The following KCNMA1 variants were observed in gnomAD, a reference collection of about 807,000 sequenced individuals.
The protein encoded by KCNMA1 is potassium calcium-activated channel subfamily M alpha 1.
In KCNMA1, 29 loss-of-function variants were observed where a neutral mutation model predicts 140.0. The ratio of observed to expected loss-of-function variants is 0.21; its 90% CI spans 0.15 to 0.28. The LOEUF (loss-of-function observed/expected upper bound fraction) is 0.28. Ranked by LOEUF, KCNMA1 falls within the 10% of genes least tolerant of loss-of-function variation. The probability of loss-of-function intolerance (pLI) is 1.00; values close to 1 mark genes in which losing one functional copy is unlikely to be tolerated. For synonymous variants in KCNMA1, 612 were observed against 611.9 expected, an observed-to-expected ratio of 1.00 and a Z score of 0.00; for missense variants, 880 against 1,602.2, an observed-to-expected ratio of 0.55 and a Z score of 7.70.
chr10:77,235,354 A>G (rs1475752681), intron 3 of KCNMA1, among the ~76,000 whole-genome samples: 1 of 152,194 alleles, frequency 6.6e-6, no homozygotes, highest in African/African-American at 2.4e-5. Context: ...ATCAAGTTTT[A>G]CAGAAAGGAA....
chr10:77,298,323 A>G (rs1601694993), intron 2 of KCNMA1, among the ~76,000 whole-genome samples: 1 of 151,032 alleles, frequency 6.6e-6, no homozygotes, highest in African/African-American at 2.4e-5. Flanking sequence ...GCTCACTGCA[A>G]CCTCCACCTC....
chr10:76,949,572 A>G (rs2065465255), intron 21 of KCNMA1: 1 of 604,302 alleles, frequency 1.7e-6, no homozygotes, highest in East Asian at 2.8e-5. Context: ...TTTTGTAATA[A>G]ATCTGTCCAA....
intron 1 of KCNMA1, among the ~76,000 whole-genome samples, chr10:77,566,297 T>C (rs961726050): frequency 1.3e-5 from 2 of 152,190 alleles, no homozygotes; most frequent in African/African-American, 4.8e-5. Context: ...CTGATCTCCC[T>C]GGTCTCCCAG....
chr10:77,637,419 A>C lies in KCNMA1; in HGVS notation c.224T>G (p.Met75Arg). The change falls in exon 1 of 28, where the codon ATG (methionine) becomes AGG (arginine). Residue 75 changes from methionine to arginine, a missense_variant. By Grantham distance (91) the Met-to-Arg change is moderately conservative. Transcript: ENST00000286628. Reference protein sequence around the residue: ...KMDALIIPVTMEVPCDSRGQR... With the variant: ...KMDALIIPVTREVPCDSRGQR... Reference sequence around the variant, plus strand: ...GCCCCGGCTGTCGCACGGCACCTCCATGGTCACCGGGATGATGAGCGCATC... The same window carrying C: ...GCCCCGGCTGTCGCACGGCACCTCCCTGGTCACCGGGATGATGAGCGCATC... 6.2e-7 allele frequency: 1 copy of C among 1,613,774 alleles called. No individual in the cohort carries two copies. The highest frequency in any genetic ancestry group is 8.5e-7 in the Non-Finnish European group (1 of 1,179,902).
intron 3 of KCNMA1, among the ~76,000 whole-genome samples, chr10:77,202,468 ACT>A (rs1025088502): frequency 6.6e-6 from 1 of 152,038 alleles, no homozygotes; most frequent in African/African-American, 2.4e-5. Flanking sequence ...TGTGATAATG[ACT>A]CTCTTCCTTC....
At chr10:77,073,705 A>G (rs2096288726) in intron 13 of KCNMA1, among the ~76,000 whole-genome samples, 1 of 152,178 alleles carries the variant, frequency 6.6e-6, no homozygotes, top group African/African-American at 2.4e-5. Flanking sequence ...TCACCTGTAC[A>G]GTTTCTGAAA....
intron 3 of KCNMA1, among the ~76,000 whole-genome samples, chr10:77,189,894 C>T (rs1352806197): frequency 6.6e-6 from 1 of 152,162 alleles, no homozygotes; most frequent in Non-Finnish European, 1.5e-5. Context: ...GTCATTCATC[C>T]ACCATCACGG....
At chr10:77,400,048 G>T (rs976567640) in intron 2 of KCNMA1, among the ~76,000 whole-genome samples, 1 of 152,182 alleles carries the variant, frequency 6.6e-6, no homozygotes, top group Non-Finnish European at 1.5e-5. Flanking sequence ...AAATTGAAAC[G>T]GGAAACTGAA....
Position 76,914,848 on chromosome 10 carries a change from G to A in KCNMA1, c.3016+88C>T, listed in dbSNP as rs1357911365. 12 of 980,762 alleles carry A rather than the reference G, an allele frequency of 1.2e-5. No homozygotes were observed. The Admixed American group carries it at 2.0e-4, about 17-fold the overall frequency. The allele number at this position is 980,762 out of a possible 1,614,324, so 60.8% of individuals were successfully genotyped here. ...CCCCATAGCAGCTACAAAGTTGAAAGGGCTAAGAAATAAACCAACCTCCTC... is the reference window on the plus strand; with the variant it reads ...CCCCATAGCAGCTACAAAGTTGAAAAGGCTAAGAAATAAACCAACCTCCTC... On this transcript the variant is annotated intron_variant, in intron 24 of 27. Coordinates refer to ENST00000286628, the MANE Select transcript of KCNMA1 (RefSeq NM_001161352.2).
intron 3 of KCNMA1, among the ~76,000 whole-genome samples, chr10:77,223,307 A>C (rs572863709): frequency 1.3e-5 from 2 of 151,956 alleles, no homozygotes; most frequent in South Asian, 4.2e-4. Flanking sequence ...GTTGTGACAC[A>C]CAGTGTATTG....
chr10:76,913,373 T>C (rs2152417445), intron 24 of KCNMA1: 1 of 152,332 alleles, frequency 6.6e-6, no homozygotes, highest in East Asian at 1.9e-4. Context: ...ATTGTGAATC[T>C]CCCAGAGAGG....
intron 14 of KCNMA1, 42 bp downstream of exon 14, chr10:77,073,055 T>C: frequency 1.9e-6 from 3 of 1,596,080 alleles, no homozygotes; most frequent in Non-Finnish European, 2.6e-6. Context: ...CCACGACAAA[T>C]GGAATCCCGA....
intron 3 of KCNMA1, among the ~76,000 whole-genome samples, chr10:77,206,742 C>CTGTG (rs61276546): frequency 0.17 from 24,093 of 140,770 alleles, 2,380 homozygotes; most frequent in Middle Eastern, 0.22. Flanking sequence ...AGACTAAGTA[C>CTGTG]TCAATAAACT....
intron 1 of KCNMA1, among the ~76,000 whole-genome samples, chr10:77,585,005 C>A (rs1393234760): frequency 6.6e-6 from 1 of 152,244 alleles, no homozygotes; most frequent in African/African-American, 2.4e-5. Context: ...TCTTCTCTGA[C>A]CCCAGAACAA....
At chr10:77,631,283 G>A (rs1412689692) in intron 1 of KCNMA1, among the ~76,000 whole-genome samples, 1 of 152,140 alleles carries the variant, frequency 6.6e-6, no homozygotes, top group Non-Finnish European at 1.5e-5. Flanking sequence ...CCTAATGCGT[G>A]GGGTTCCACC....
chr10:77,548,517 A>G (rs1353358479), intron 1 of KCNMA1, among the ~76,000 whole-genome samples: 1 of 152,236 alleles, frequency 6.6e-6, no homozygotes, highest in Non-Finnish European at 1.5e-5. Context: ...GTAGGTGTGC[A>G]CAGAGGCCCA....
chr10:77,525,977 T>C (rs2055441363), intron 1 of KCNMA1, among the ~76,000 whole-genome samples: 1 of 152,074 alleles, frequency 6.6e-6, no homozygotes, highest in Non-Finnish European at 1.5e-5. Context: ...ATGAGAAAAA[T>C]GGGAGAAGTA....
chr10:76,914,060 G>A (rs1388679144), intron 24 of KCNMA1: 8 of 1,548,342 alleles, frequency 5.2e-6, no homozygotes, highest in Non-Finnish European at 7.0e-6. Context: ...TTCTTACCCA[G>A]TTCAGTTATC....
At chr10:77,467,221 C>G (rs2098043017) in intron 1 of KCNMA1, among the ~76,000 whole-genome samples, 1 of 152,192 alleles carries the variant, frequency 6.6e-6, no homozygotes, top group Admixed American at 6.5e-5. Context: ...GAGGCTGAGA[C>G]TCAGTGACTG....
Sources: allele counts gnomAD v4.1 joint callset (sites outside exome capture counted in the v4.1 genomes callset), GRCh38; gene constraint gnomAD v4.1.1; transcripts MANE v1.5; gene names NCBI Gene and HGNC (gene_info 2026-07-23, HGNC 2026-07-21).